GPATCH1: variants seen among roughly 807,000 people sequenced by gnomAD.
The protein encoded by GPATCH1 is G-patch domain containing 1.
GPATCH1 carries 73 observed loss-of-function variants against 114.9 expected under a neutral mutation model. The ratio of observed to expected loss-of-function variants is 0.64; its 90% confidence interval spans 0.53 to 0.77. The LOEUF is 0.77. Ranked by LOEUF, GPATCH1 falls within the 30% of genes least tolerant of loss-of-function variation. The pLI is 0.00. For synonymous variants in GPATCH1, 391 were observed against 428.4 expected (o/e 0.91, Z 1.08); for missense variants, 1,058 against 1,144.3 (o/e 0.92, Z 1.09).
At chr19:33,100,014 G>A (rs1364220398) in intron 8 of GPATCH1, among the ~76,000 whole-genome samples, 3 of 151,678 alleles carry the variant, frequency 2.0e-5, no homozygotes, top group Non-Finnish European at 2.9e-5. Flanking sequence ...CAGGTGATCC[G>A]CCCGCCTCGG....
intron 15 of GPATCH1, among the ~76,000 whole-genome samples, chr19:33,114,797 C>CTTTTTTTTTTTTTTTTT: frequency 1.1e-5 from 1 of 87,168 alleles, no homozygotes; most frequent in Non-Finnish European, 2.1e-5. Context: ...CTATTTCTCT[C>CTTTTTTTTTTTTTTTTT]TTTTTTTTTT....
Position 33,096,255 on chromosome 19 carries a change from G to A in GPATCH1, c.661G>A (p.Asp221Asn). The change falls in exon 7 of 20, where the codon GAT becomes AAT. Residue 221 changes from aspartate (D) to asparagine (N), a missense_variant. Asp to Asn is a conservative substitution (Grantham distance 23, BLOSUM62 1). Transcript: ENST00000170564. ...LPDNVTFAPK[D>N]VTPVDFTPKD... is the part of the protein sequence containing the mutation. ...TGATAATGTGACCTTTGCACCCAAA[G>A]ATGTCACACCTGTGGATTTCACACC... 1 of 1,613,510 alleles carries A rather than the reference G, an allele frequency of 6.2e-7. No homozygotes were observed. The highest frequency in any genetic ancestry group is 8.5e-7 in the Non-Finnish European group (1 of 1,179,442).
At chr19:33,114,206 C>T (rs547391741) in intron 14 of GPATCH1, 47 bp from the exon 15 acceptor site, 3 of 1,526,782 alleles carry the variant, frequency 2.0e-6, no homozygotes, top group Admixed American at 1.9e-5. Flanking sequence ...AAGAACTGGC[C>T]TTTTCCTTGC....
chr19:33,119,209 G>A (rs993038810), intron 17 of GPATCH1, 92 bp downstream of exon 17: 25 of 605,836 alleles, frequency 4.1e-5, no homozygotes, highest in Non-Finnish European at 6.5e-5. Flanking sequence ...CCAAACATAC[G>A]TGCTTGCTTC....
At position 33,114,238 on chromosome 19, in the gene GPATCH1, T is replaced by C. The variant is rs780402197; in HGVS notation, c.2030-15T>C. On this transcript the variant is annotated splice_polypyrimidine_tract_variant and intron_variant, in intron 14 of 19. Coordinates refer to ENST00000170564, the MANE Select transcript of GPATCH1 (RefSeq NM_018025.3). Reference sequence around the variant, plus strand: ...TTGCTAATGCTGGAGTTTATATCTATGTCCTGCCTTTCAGAATCAAGAAAA... The same window carrying C: ...TTGCTAATGCTGGAGTTTATATCTACGTCCTGCCTTTCAGAATCAAGAAAA... The C allele has an allele frequency of 1.9e-6, 3 of 1,601,854 alleles. No homozygotes were observed. Among genetic ancestry groups the C allele is most frequent in the South Asian group, 2.2e-5 (2 of 90,138 alleles).
At chr19:33,097,263 C>T (rs530306289) in intron 7 of GPATCH1, among the ~76,000 whole-genome samples, 44 of 152,264 alleles carry the variant, frequency 2.9e-4, no homozygotes, top group African/African-American at 8.4e-4. Context: ...TTTTTATAAA[C>T]GTGTTTTTTT....
At chr19:33,111,366 AGAGT>A (rs1321249201) in intron 11 of GPATCH1, among the ~76,000 whole-genome samples, 1 of 146,136 alleles carries the variant, frequency 6.8e-6, no homozygotes, top group African/African-American at 2.6e-5. Flanking sequence ...CCTGGGAGAC[AGAGT>A]GAGACTCCAT....
intron 13 of GPATCH1, chr19:33,113,562 A>C: frequency 2.0e-6 from 1 of 490,388 alleles, no homozygotes; most frequent in Non-Finnish European, 3.6e-6. Flanking sequence ...TTGAAAGTTA[A>C]ATTCTTGTCC....
intron 13 of GPATCH1, chr19:33,113,176 C>T (rs1415225493): frequency 2.6e-5 from 4 of 155,650 alleles, no homozygotes; most frequent in South Asian, 2.0e-4. Context: ...TGCAATGGCT[C>T]ACGCCTGTAA....
chr19:33,120,606 A>G (rs1307091283), intron 17 of GPATCH1, among the ~76,000 whole-genome samples: 1 of 149,910 alleles, frequency 6.7e-6, no homozygotes, highest in Non-Finnish European at 1.5e-5. Context: ...TACTTGTAAT[A>G]GCAGTTTGGG....
Position 33,126,619 on chromosome 19 carries a change from G to T in GPATCH1, c.2651G>T (p.Gly884Val), listed in dbSNP as rs755007759. Residue 884 changes from glycine to valine, a missense_variant, in exon 19 of 20, where the codon GGC becomes GTC. Transcript: ENST00000170564. ...AAACACAGGAAGCACAAACACAAAG[G>T]CAAGCAAAAGAATAAAAAACCAGAG... is the stretch of plus-strand genomic sequence containing the variant. ...KKKHRKHKHK[G>V]KQKNKKPEKS... The T allele has an allele frequency of 1.9e-6, 3 of 1,613,286 alleles. No individual in the cohort carries two copies. Among genetic ancestry groups the T allele is most frequent in the Non-Finnish European group, 2.5e-6 (3 of 1,179,488 alleles).
chr19:33,105,366 T>G (rs963986661), intron 9 of GPATCH1, among the ~76,000 whole-genome samples: 2 of 141,060 alleles, frequency 1.4e-5, no homozygotes, highest in Non-Finnish European at 3.0e-5. Flanking sequence ...GAGCTGAGAT[T>G]GCACCACTGC....
chr19:33,088,263 A>G lies in GPATCH1; in HGVS notation c.203A>G (p.Lys68Arg). ...SAGYFNTVGS[K>R]EGWTPSTFVS... ...GGATACTTCAATACTGTTGGCTCAA[A>G]AGAAGGTATCATTTTCCTAATTGTA... The change falls in exon 2 of 20, where the codon AAA becomes AGA. Residue 68 changes from lysine (K) to arginine (R), a missense_variant. Transcript: ENST00000170564. The G allele has an allele frequency of 2.1e-5, 33 of 1,597,670 alleles. No homozygotes were observed. Among genetic ancestry groups the G allele is most frequent in the Non-Finnish European group, 2.7e-5 (32 of 1,172,666 alleles).
At chr19:33,095,491 C>T (rs1202244254) in intron 5 of GPATCH1, among the ~76,000 whole-genome samples, 1 of 151,718 alleles carries the variant, frequency 6.6e-6, no homozygotes, top group Non-Finnish European at 1.5e-5. Flanking sequence ...CTCCAACTCC[C>T]GACCTTGTGA....
At chr19:33,097,670 T>C (rs766575286) in intron 7 of GPATCH1, 85 bp from the exon 8 acceptor site, 22 of 1,257,068 alleles carry the variant, frequency 1.8e-5, no homozygotes, top group Non-Finnish European at 2.5e-5. Flanking sequence ...TGGTTTCCAA[T>C]CACATCCTTA....
rs13345542 is a variant in GPATCH1, at chr19:33,095,833, G to A, written c.612+13G>A. The stretch of plus-strand genomic sequence containing the variant: ...GGAAGGATCTGAGGTATTGCATGGT[G>A]TGACTGACCTTCACTTTGGTACAAC... On this transcript the variant is annotated intron_variant, in intron 6 of 19. Transcript: ENST00000170564. 3.2e-6 allele frequency: 5 copies of A among 1,579,140 alleles called. No individual in the cohort carries two copies. The highest frequency in any genetic ancestry group is 4.4e-6 in the Non-Finnish European group (5 of 1,149,054).
Position 33,125,301 on chromosome 19 carries a change from G to T in GPATCH1, c.2619+99G>T. 6 of 1,328,788 alleles carry T rather than the reference G, an allele frequency of 4.5e-6. 1 individual carries two copies. The South Asian group carries it at 8.6e-5, about 19-fold the overall frequency. The allele number at this position is 1,328,788 out of a possible 1,614,324, so 82.3% of individuals were successfully genotyped here. The stretch of plus-strand genomic sequence containing the variant: ...CTGCAGCTGAAGAGCGGATCTGGTG[G>T]CCAAGTCACAGTTCTCTCTGAGACT... On this transcript the variant is annotated intron_variant, in intron 18 of 19. Transcript: ENST00000170564.
At chr19:33,106,162 A>T (rs553510418) in intron 9 of GPATCH1, among the ~76,000 whole-genome samples, 112 of 146,542 alleles carry the variant, frequency 7.6e-4, no homozygotes, top group Non-Finnish European at 1.5e-3. Context: ...ACTATTATTT[A>T]AAAAAATTTT....
chr19:33,101,392 G>T (rs141849180), intron 8 of GPATCH1, 103 bp from the exon 9 acceptor site: 1 of 706,556 alleles, frequency 1.4e-6, no homozygotes, highest in Non-Finnish European at 2.5e-6. Flanking sequence ...TGTATGACAC[G>T]TACTATTTAT....
Sources: gnomAD v4.1 joint callset for allele counts (sites outside exome capture counted in the v4.1 genomes callset) on GRCh38, gnomAD v4.1.1 for gene constraint, MANE v1.5 for transcripts, NCBI Gene and HGNC (gene_info 2026-07-23, HGNC 2026-07-21) for gene names.